The following ECD variants were observed in gnomAD, a reference collection of about 807,000 sequenced individuals.
The protein encoded by ECD is protein ecdysoneless homolog.
A neutral mutation model predicts 77.2 loss-of-function variants in ECD; 59 were observed. The observed-to-expected ratio is 0.76, with a 90% CI of 0.62 to 0.95. ECD has a LOEUF of 0.95. ECD is among the 40% of genes least tolerant of loss of function. ECD has a pLI of 0.00. For missense variants in ECD, 704 were observed against 763.4 expected, an observed-to-expected ratio of 0.92 and a Z score of 0.92; for synonymous variants, 233 against 267.4, an observed-to-expected ratio of 0.87 and a Z score of 1.26.
chr10:73,143,315 C>T (rs997665830), intron 9 of ECD, among the ~76,000 whole-genome samples: 6 of 151,210 alleles, frequency 4.0e-5, no homozygotes, highest in Non-Finnish European at 8.8e-5. Flanking sequence ...ATTACAGGGG[C>T]GTGCCAACAC....
Position 73,138,037 on chromosome 10 carries a change from T to C in ECD, c.1455A>G (p.Ala485=), listed in dbSNP as rs374803935. ...EPSEAPITFD[A]DSFLNYFDKI... ...TATCAAAATAATTAAGAAAAGAATC[T>C]GCATCAAAAGTGATTGGAGCCTCAG... The change falls in exon 12 of 14, where the codon GCA becomes GCG. Residue 485 remains alanine (A), a synonymous_variant. Transcript: ENST00000372979. 6.3e-7 allele frequency: 1 copy of C among 1,597,640 alleles called. No individual in the cohort carries two copies. Among genetic ancestry groups the C allele is most frequent in the Non-Finnish European group, 8.5e-7 (1 of 1,174,750 alleles).
At chr10:73,139,600 C>G in intron 10 of ECD, 31 bp downstream of exon 10, 1 of 1,571,892 alleles carries the variant, frequency 6.4e-7, no homozygotes, top group Non-Finnish European at 8.6e-7. Flanking sequence ...TTTTTTTTAA[C>G]CCTTCCACTG....
chr10:73,164,033 C>T (rs11000536), intron 1 of ECD, 83 bp from the exon 2 acceptor site: 120,944 of 1,257,046 alleles, frequency 0.096, 10,111 homozygotes, highest in African/African-American at 0.34. Context: ...TCTATGAACA[C>T]TGTTTTCTAA....
chr10:73,136,730 T>G lies in ECD; in HGVS notation c.1678A>C (p.Lys560Gln). The change falls in exon 13 of 14, where the codon AAA becomes CAA. Residue 560 changes from lysine (K) to glutamine (Q), a missense_variant. Physicochemically the swap from Lys to Gln is moderately conservative, Grantham distance 53. Around this residue, in one of 3 missense-constraint regions of ECD, gnomAD observed 142 missense variants for 163.6 expected, o/e 0.87. Transcript: ENST00000372979. ...DQELAHTCIS[K>Q]SFTTRNQVEP... ...ACTTGGTTCCTAGTGGTGAAACTTT[T>G]GCTGATGCAGGTGTGTGCTAGTTCC... is the stretch of plus-strand genomic sequence containing the variant. 1 of 1,614,060 alleles carries G rather than the reference T, an allele frequency of 6.2e-7. No individual in the cohort carries two copies. The highest frequency in any genetic ancestry group is 8.5e-7 in the Non-Finnish European group (1 of 1,179,952).
At chr10:73,159,718 A>C (rs1589121488) in intron 3 of ECD, among the ~76,000 whole-genome samples, 1 of 141,588 alleles carries the variant, frequency 7.1e-6, no homozygotes, top group South Asian at 2.2e-4. Context: ...ATCTCGGCTC[A>C]CCGCAACCTC....
At chr10:73,155,101 T>A (rs1843278487) in intron 5 of ECD, among the ~76,000 whole-genome samples, 1 of 152,004 alleles carries the variant, frequency 6.6e-6, no homozygotes, top group African/African-American at 2.4e-5. Context: ...CAGGCTGGAG[T>A]GCAGTGGTGC....
At chr10:73,139,580 TTTTAA>T in intron 10 of ECD, 46 bp downstream of exon 10, 1 of 1,584,082 alleles carries the variant, frequency 6.3e-7, no homozygotes, top group Non-Finnish European at 8.6e-7. Flanking sequence ...GAGTAGAACA[TTTTAA>T]TTTTTTTTTT....
At chr10:73,146,253 T>A (rs376203409) in intron 9 of ECD, 23 bp downstream of exon 9, 2 of 1,370,276 alleles carry the variant, frequency 1.5e-6, no homozygotes, top group Admixed American at 1.8e-5. Context: ...ATCTTTGTAG[T>A]AGGAGTCTTA....
chr10:73,161,781 TAAC>T (rs1252920564), intron 2 of ECD, among the ~76,000 whole-genome samples: 2 of 152,142 alleles, frequency 1.3e-5, no homozygotes, highest in Non-Finnish European at 2.9e-5. Context: ...CAGAAATCCT[TAAC>T]AAAATATCAG....
At chr10:73,165,496 C>T (rs916448831) in intron 1 of ECD, among the ~76,000 whole-genome samples, 1 of 151,822 alleles carries the variant, frequency 6.6e-6, no homozygotes, top group Non-Finnish European at 1.5e-5. Context: ...GGACTATAGG[C>T]GCACGCCACC....
chr10:73,155,180 G>A (rs1035635726), intron 5 of ECD, among the ~76,000 whole-genome samples: 7 of 151,634 alleles, frequency 4.6e-5, no homozygotes, highest in East Asian at 2.0e-4. Context: ...ATTTTCCTGC[G>A]CTCAGTCTCC....
chr10:73,153,725 CAAAAA>C lies in ECD; in HGVS notation c.783+526_783+530del, dbSNP rs201711578. 6.1e-4 allele frequency among the ~76,000 whole-genome samples: 25 copies of C among 41,318 alleles called. No individual in the cohort carries two copies. In the South Asian group the frequency reaches 7.7e-3, roughly 13 times the overall value. The allele number at this position is 41,318 out of a possible 152,430, so 27.1% of individuals were successfully genotyped here. The stretch of plus-strand genomic sequence containing the variant: ...TGGGTGAGAGAGTGAGACTCTGTCT[CAAAAA>C]AAAAAAAAAAAAAAAAAAAGGAAAT... On this transcript the variant is annotated intron_variant, in intron 6 of 13. Coordinates refer to ENST00000372979, the MANE Select transcript of ECD (RefSeq NM_007265.3).
intron 2 of ECD, among the ~76,000 whole-genome samples, chr10:73,163,251 T>A (rs1382159944): frequency 6.6e-6 from 1 of 152,190 alleles, no homozygotes; most frequent in African/African-American, 2.4e-5. Flanking sequence ...TGCTTGTAAG[T>A]GGCAAATATT....
At chr10:73,140,524 A>C (rs1235541391) in intron 9 of ECD, among the ~76,000 whole-genome samples, 1 of 151,834 alleles carries the variant, frequency 6.6e-6, no homozygotes, top group Non-Finnish European at 1.5e-5. Flanking sequence ...TCTACTAAAA[A>C]TACAAAAATT....
rs757530368 is a variant in ECD, at chr10:73,156,280, G to A, written c.585C>T (p.Ile195=). ...GAAAGTGATATTTTTCTTACCCTCT[G>A]ATGCGCCTATTCACAGCAGCTCGTA... ...ESIRAAVNRR[I]RGYPEKIQAS... Residue 195 remains isoleucine (I), a synonymous_variant, in exon 5 of 14, where the codon ATC becomes ATT. Coordinates refer to ENST00000372979, the MANE Select transcript of ECD (RefSeq NM_007265.3). The A allele has an allele frequency of 6.3e-7, 1 of 1,583,122 alleles. No homozygotes were observed. Among genetic ancestry groups the A allele is most frequent in the Non-Finnish European group, 8.6e-7 (1 of 1,168,332 alleles).
intron 1 of ECD, among the ~76,000 whole-genome samples, chr10:73,166,445 AGT>A (rs1393548398): frequency 6.6e-6 from 1 of 152,204 alleles, no homozygotes; most frequent in Admixed American, 6.5e-5. Context: ...TCTCACCAAC[AGT>A]GTTTTATCCA....
chr10:73,147,401 G>A (rs902693313), intron 8 of ECD, among the ~76,000 whole-genome samples: 7 of 151,936 alleles, frequency 4.6e-5, no homozygotes, highest in Non-Finnish European at 5.9e-5. Context: ...TACAAAAATC[G>A]GCTGGGTGTG....
At chr10:73,160,813 G>A (rs1046286147) in intron 2 of ECD, among the ~76,000 whole-genome samples, 1 of 152,198 alleles carries the variant, frequency 6.6e-6, no homozygotes, top group Non-Finnish European at 1.5e-5. Context: ...GGGGATATCT[G>A]TGCTATGCTT....
intron 8 of ECD, among the ~76,000 whole-genome samples, chr10:73,147,297 C>G (rs1678358666): frequency 6.6e-6 from 1 of 152,160 alleles, no homozygotes; most frequent in Non-Finnish European, 1.5e-5. Context: ...CCTGTAATCC[C>G]AGCACTTTGG....
Sources: allele counts gnomAD v4.1 joint callset (sites outside exome capture counted in the v4.1 genomes callset), GRCh38; gene constraint gnomAD v4.1.1; regional missense constraint gnomAD v4.1.1; transcripts MANE v1.5; gene names NCBI Gene and HGNC (gene_info 2026-07-23, HGNC 2026-07-21).